The following ARHGAP39 variants were observed in gnomAD, a reference collection of about 807,000 sequenced individuals.
The protein encoded by ARHGAP39 is Rho GTPase activating protein 39.
A neutral mutation model predicts 106.9 loss-of-function variants in ARHGAP39; 44 were observed. The ratio of observed to expected loss-of-function variants is 0.41; its 90% CI spans 0.32 to 0.53. ARHGAP39 has a LOEUF of 0.53. Among genes scored for constraint, ARHGAP39 ranks in the 20% least tolerant of loss-of-function variants. The pLI is 0.21. For synonymous variants in ARHGAP39, 768 were observed against 693.2 expected (o/e 1.11, Z -1.69); for missense variants, 1,496 against 1,577.3 (o/e 0.95, Z 0.87).
intron 1 of ARHGAP39, among the ~76,000 whole-genome samples, chr8:144,659,046 T>G (rs1052509014): frequency 1.3e-5 from 2 of 152,086 alleles, no homozygotes; most frequent in African/African-American, 4.8e-5. Context: ...CCCATTGTCT[T>G]TCTGTCCAAT....
intron 4 of ARHGAP39, among the ~76,000 whole-genome samples, chr8:144,551,956 C>A (rs1404206122): frequency 1.3e-5 from 2 of 152,228 alleles, no homozygotes; most frequent in African/African-American, 4.8e-5. Flanking sequence ...TCTCTCCTCA[C>A]CCTTCTCTAA....
At chr8:144,652,755 C>G (rs1317220722) in intron 1 of ARHGAP39, among the ~76,000 whole-genome samples, 1 of 151,370 alleles carries the variant, frequency 6.6e-6, no homozygotes, top group African/African-American at 2.4e-5. Context: ...TAGGGTCTAC[C>G]TGAGGGTGGA....
chr8:144,553,893 T>C (rs901110213), intron 4 of ARHGAP39, among the ~76,000 whole-genome samples: 2 of 152,214 alleles, frequency 1.3e-5, no homozygotes, highest in African/African-American at 4.8e-5. Context: ...CCCCGCCAGG[T>C]CCAGAGGGAG....
chr8:144,549,711 T>C (rs992004807), intron 4 of ARHGAP39, among the ~76,000 whole-genome samples: 7 of 152,114 alleles, frequency 4.6e-5, no homozygotes, highest in Non-Finnish European at 1.0e-4. Flanking sequence ...GCCAGGCTGG[T>C]CCCGAACTCC....
chr8:144,541,131 G>A (rs1219068229), intron 6 of ARHGAP39, among the ~76,000 whole-genome samples: 1 of 152,246 alleles, frequency 6.6e-6, no homozygotes, highest in African/African-American at 2.4e-5. Context: ...GATGACAGGC[G>A]TGAGCCACCG....
In ARHGAP39 at chr8:144,530,771, C is replaced by G; in HGVS notation, c.3081G>C (p.Ala1027=). 1 of 1,611,154 alleles carries G rather than the reference C, an allele frequency of 6.2e-7. No homozygotes were observed. Among genetic ancestry groups the G allele is most frequent in the African/African-American group, 1.3e-5 (1 of 75,040 alleles). The change falls in exon 11 of 12, where the codon GCG becomes GCC. Residue 1027 remains alanine, a synonymous_variant. Transcript: ENST00000377307. ...CIAHYDSPEA[A]VAVVHALPRI... ...GGGGCAGCGCGTGCACCACGGCCACCGCCGCCTCGGGGCTGTCGTAGTGCG... is the reference window on the plus strand; with the variant it reads ...GGGGCAGCGCGTGCACCACGGCCACGGCCGCCTCGGGGCTGTCGTAGTGCG...
intron 2 of ARHGAP39, among the ~76,000 whole-genome samples, chr8:144,587,601 G>A (rs1295158071): frequency 2.0e-5 from 3 of 152,092 alleles, no homozygotes; most frequent in Non-Finnish European, 4.4e-5. Flanking sequence ...ACACGGGAGC[G>A]GGCAGGGAAA....
chr8:144,675,309 T>G (rs905737862), intron 1 of ARHGAP39, among the ~76,000 whole-genome samples: 1 of 152,198 alleles, frequency 6.6e-6, no homozygotes, highest in Non-Finnish European at 1.5e-5. Context: ...CTCGGCTAAC[T>G]GCAACCTCTG....
intron 1 of ARHGAP39, among the ~76,000 whole-genome samples, chr8:144,619,603 C>A (rs1039403989): frequency 2.0e-5 from 3 of 147,262 alleles, no homozygotes; most frequent in African/African-American, 2.5e-5. Flanking sequence ...CCTGAGAGAG[C>A]GTGCATGTCC....
chr8:144,649,626 T>C (rs1586637056), intron 1 of ARHGAP39, among the ~76,000 whole-genome samples: 1 of 151,562 alleles, frequency 6.6e-6, no homozygotes, highest in East Asian at 1.9e-4. Context: ...AAAAATTAGC[T>C]GGGTGTGGTG....
chr8:144,660,975 A>C, intron 1 of ARHGAP39, among the ~76,000 whole-genome samples: 1 of 150,960 alleles, frequency 6.6e-6, no homozygotes. Flanking sequence ...ACAGAATGAG[A>C]CTCCATCTCA....
chr8:144,545,863 G>GTGGGCCCAC, intron 5 of ARHGAP39, 53 bp from the exon 6 acceptor site: 1 of 1,427,642 alleles, frequency 7.0e-7, no homozygotes, highest in Non-Finnish European at 9.2e-7. Context: ...GGCCAGGCAG[G>GTGGGCCCAC]TGGGCCCACT....
intron 2 of ARHGAP39, among the ~76,000 whole-genome samples, chr8:144,600,617 C>T (rs1208514430): frequency 7.2e-5 from 9 of 125,812 alleles, no homozygotes; most frequent in East Asian, 2.6e-4. Flanking sequence ...TGGAGGCGTG[C>T]GTGCGCACTT....
intron 1 of ARHGAP39, among the ~76,000 whole-genome samples, chr8:144,676,214 C>T (rs933783098): frequency 6.6e-6 from 1 of 152,184 alleles, no homozygotes; most frequent in Non-Finnish European, 1.5e-5. Context: ...CACCTCCCAC[C>T]GATTGGTCCA....
At chr8:144,623,698 A>C (rs553127480) in intron 1 of ARHGAP39, among the ~76,000 whole-genome samples, 1 of 152,364 alleles carries the variant, frequency 6.6e-6, no homozygotes, top group South Asian at 2.1e-4. Flanking sequence ...CGGAAAACAC[A>C]GATTCACCAT....
intron 1 of ARHGAP39, among the ~76,000 whole-genome samples, chr8:144,622,082 G>A (rs1440135554): frequency 6.6e-6 from 1 of 152,192 alleles, no homozygotes; most frequent in East Asian, 1.9e-4. Context: ...AGAAAAAGAG[G>A]AAAGGGACAG....
intron 4 of ARHGAP39, among the ~76,000 whole-genome samples, chr8:144,550,487 T>C (rs998816572): frequency 1.3e-5 from 2 of 152,230 alleles, no homozygotes; most frequent in Non-Finnish European, 2.9e-5. Context: ...ATAAGCCAGT[T>C]GTGTCCCTCT....
At chr8:144,531,009 C>A in intron 10 of ARHGAP39, 138 bp from the exon 11 acceptor site, 2 of 1,177,928 alleles carry the variant, frequency 1.7e-6, no homozygotes, top group Non-Finnish European at 1.2e-6. Context: ...CAGGGCCCAT[C>A]TGGCCAGGCT....
intron 1 of ARHGAP39, among the ~76,000 whole-genome samples, chr8:144,612,793 A>C (rs918568640): frequency 1.3e-5 from 2 of 151,932 alleles, no homozygotes; most frequent in Non-Finnish European, 2.9e-5. Flanking sequence ...GGATAGAGTG[A>C]AGTGAGCCAC....
Sources: allele counts gnomAD v4.1 joint callset (sites outside exome capture counted in the v4.1 genomes callset), GRCh38; gene constraint gnomAD v4.1.1; transcripts MANE v1.5; gene names NCBI Gene and HGNC (gene_info 2026-07-23, HGNC 2026-07-21).